XKR4: variants seen among roughly 807,000 people sequenced by gnomAD.
XKR4 encodes XK related 4.
A neutral mutation model predicts 53.9 loss-of-function variants in XKR4; 12 were observed. The ratio of observed to expected loss-of-function variants is 0.22; its 90% confidence interval spans 0.14 to 0.36. The LOEUF (loss-of-function observed/expected upper bound fraction) is 0.36, where lower values mean the gene tolerates loss of function less well. Among genes scored for constraint, XKR4 ranks in the 10% least tolerant of loss-of-function variants. XKR4 has a pLI of 1.00. For synonymous variants in XKR4, 354 were observed against 362.4 expected (o/e 0.98, Z 0.26); for missense variants, 799 against 859.5 (o/e 0.93, Z 0.88).
chr8:55,223,157 T>G (rs1297504871), intron 1 of XKR4, among the ~76,000 whole-genome samples: 1 of 152,164 alleles, frequency 6.6e-6, no homozygotes, highest in Non-Finnish European at 1.5e-5. Context: ...AACCAATGGG[T>G]GTCAACTACG....
intron 1 of XKR4, among the ~76,000 whole-genome samples, chr8:55,287,216 G>A (rs72651890): frequency 0.12 from 18,520 of 150,976 alleles, 1,457 homozygotes; most frequent in Non-Finnish European, 0.18. Context: ...TTCAACCACC[G>A]ACAAATCAAA....
Position 55,524,837 on chromosome 8 carries a change from A to C in XKR4, c.*610A>C, listed in dbSNP as rs1227140109. On this transcript the variant is annotated 3_prime_UTR_variant, in exon 3 of 3. Coordinates refer to ENST00000327381, the MANE Select transcript of XKR4 (RefSeq NM_052898.2). The stretch of plus-strand genomic sequence containing the variant: ...CGGACAGCAAACCCAAATGTTGTCT[A>C]CACATGTGTTAGCATTGATGGAGTG... The C allele has an allele frequency of 6.5e-6, 1 of 152,804 alleles. No individual in the cohort carries two copies. Among genetic ancestry groups the C allele is most frequent in the Non-Finnish European group, 1.5e-5 (1 of 68,172 alleles). The allele number at this position is 152,804 out of a possible 1,614,324, so 9.5% of individuals were successfully genotyped here. A position where few individuals can be genotyped will look rare whatever the true frequency, so the allele number is the denominator to read the frequency against.
At chr8:55,265,216 A>T (rs1222228498) in intron 1 of XKR4, among the ~76,000 whole-genome samples, 1 of 152,224 alleles carries the variant, frequency 6.6e-6, no homozygotes, top group African/African-American at 2.4e-5. Context: ...CATCAGGACC[A>T]CTAGCAGTGT....
intron 2 of XKR4, among the ~76,000 whole-genome samples, chr8:55,499,190 T>C (rs935299382): frequency 4.6e-5 from 7 of 152,160 alleles, no homozygotes; most frequent in Non-Finnish European, 7.3e-5. Context: ...ACATTAAATG[T>C]GAAAATATGA....
intron 1 of XKR4, among the ~76,000 whole-genome samples, chr8:55,191,519 A>G (rs1250540710): frequency 6.6e-6 from 1 of 151,990 alleles, no homozygotes; most frequent in Non-Finnish European, 1.5e-5. Flanking sequence ...CCCACTCTTC[A>G]CAAGTGTTCA....
intron 1 of XKR4, among the ~76,000 whole-genome samples, chr8:55,271,933 T>C (rs985123410): frequency 6.6e-6 from 1 of 152,248 alleles, no homozygotes; most frequent in Admixed American, 6.5e-5. Context: ...GACAGTTTCC[T>C]GGCAAGATGC....
intron 1 of XKR4, among the ~76,000 whole-genome samples, chr8:55,224,230 T>C (rs1349676281): frequency 6.6e-6 from 1 of 152,196 alleles, no homozygotes; most frequent in Non-Finnish European, 1.5e-5. Context: ...TTCCCTGAGA[T>C]ATTAAATTTC....
chr8:55,492,719 T>C (rs933332039), intron 2 of XKR4, among the ~76,000 whole-genome samples: 1 of 152,248 alleles, frequency 6.6e-6, no homozygotes. Flanking sequence ...TCTTCATTTG[T>C]TTGGTTCCTA....
intron 1 of XKR4, among the ~76,000 whole-genome samples, chr8:55,243,028 A>G (rs59295701): frequency 0.24 from 35,970 of 152,084 alleles, 4,711 homozygotes; most frequent in East Asian, 0.48. Flanking sequence ...TTTTCACTAC[A>G]TTTATTTTTT....
intron 2 of XKR4, among the ~76,000 whole-genome samples, chr8:55,491,421 A>C (rs935037485): frequency 6.6e-6 from 1 of 152,108 alleles, no homozygotes; most frequent in African/African-American, 2.4e-5. Context: ...GTCTTCTTTG[A>C]AAGAGTGTTG....
rs551650551 is a variant in XKR4 at position 55,298,334 on chromosome 8, G to A, written c.807-59344G>A. ...TTGAATACATTGCCTGTGTTAGTCC[G>A]TTTGCATTGCTATAAAGGAATATCT... On this transcript the variant is annotated intron_variant, in intron 1 of 2. Transcript: ENST00000327381. 7.8e-4 allele frequency among the ~76,000 whole-genome samples: 118 copies of A among 152,180 alleles called. 2 individuals carry two copies. The South Asian group carries it at 0.023, about 29-fold the overall frequency.
chr8:55,190,173 C>A (rs1179994454), intron 1 of XKR4, among the ~76,000 whole-genome samples: 1 of 152,124 alleles, frequency 6.6e-6, no homozygotes, highest in Non-Finnish European at 1.5e-5. Context: ...TGTGCAGTTT[C>A]TTTTCCTAAG....
At chr8:55,305,481 T>A (rs1010052251) in intron 1 of XKR4, among the ~76,000 whole-genome samples, 61 of 152,172 alleles carry the variant, frequency 4.0e-4, no homozygotes, top group African/African-American at 1.4e-3. Flanking sequence ...CTTTTCTGCT[T>A]GTTAGAGTGA....
intron 2 of XKR4, among the ~76,000 whole-genome samples, chr8:55,421,384 G>T (rs1804929205): frequency 1.3e-5 from 2 of 152,312 alleles, no homozygotes; most frequent in East Asian, 1.9e-4. Context: ...CTTGCTGGAG[G>T]CAAGTTCATA....
chr8:55,413,603 C>T lies in XKR4; in HGVS notation c.1006+55726C>T, dbSNP rs148132886. On this transcript the variant is annotated intron_variant, in intron 2 of 2. Transcript: ENST00000327381. ...TTTTTCGTGGCAGCAAAAGAGCATC[C>T]TTTAAATGTCCTTTAATATAACTAA... 4.1e-3 allele frequency among the ~76,000 whole-genome samples: 619 copies of T among 152,306 alleles called. 3 individuals are homozygous for T. The highest frequency in any genetic ancestry group is 6.9e-3 in the Non-Finnish European group (470 of 68,020).
At chr8:55,459,783 T>C (rs1160514289) in intron 2 of XKR4, among the ~76,000 whole-genome samples, 2 of 152,146 alleles carry the variant, frequency 1.3e-5, no homozygotes, top group East Asian at 1.9e-4. Flanking sequence ...GGTGTTGGCA[T>C]GAATGTGAAG....
At chr8:55,436,220 A>T (rs1585571742) in intron 2 of XKR4, among the ~76,000 whole-genome samples, 1 of 152,162 alleles carries the variant, frequency 6.6e-6, no homozygotes, top group East Asian at 1.9e-4. Context: ...CGATTCCCAC[A>T]AATGCCTAGG....
rs1373459534 is a variant in XKR4 at position 55,531,181 on chromosome 8, G to A, written c.*6954G>A. 6.6e-6 allele frequency: 1 copy of A among 152,160 alleles called. No individual in the cohort carries two copies. The highest frequency in any genetic ancestry group is 1.5e-5 in the Non-Finnish European group (1 of 68,038). 9.4% of individuals were successfully genotyped at this position (152,160 alleles called of 1,614,324 possible). On this transcript the variant is annotated 3_prime_UTR_variant, in exon 3 of 3. Coordinates refer to ENST00000327381, the MANE Select transcript of XKR4 (RefSeq NM_052898.2). Reference sequence around the variant, plus strand: ...CATCGTCAGGCAATTTTGTCATTGTGTGATGGAGTGTGCTTACACAAGCTT... The same window carrying A: ...CATCGTCAGGCAATTTTGTCATTGTATGATGGAGTGTGCTTACACAAGCTT...
chr8:55,504,651 T>C (rs1156321905), intron 2 of XKR4, among the ~76,000 whole-genome samples: 3 of 152,170 alleles, frequency 2.0e-5, no homozygotes, highest in South Asian at 2.1e-4. Flanking sequence ...CTTTAAATAT[T>C]TGGTAAAATT....
Sources: gnomAD v4.1 joint callset for allele counts (sites outside exome capture counted in the v4.1 genomes callset) on GRCh38, gnomAD v4.1.1 for gene constraint, MANE v1.5 for transcripts, NCBI Gene and HGNC (gene_info 2026-07-23, HGNC 2026-07-21) for gene names.